Variants in PCDHA6 observed in about 807,000 individuals in gnomAD.
PCDHA6 encodes the protein protocadherin alpha 6, also known as protocadherin alpha-6.
A neutral mutation model predicts 60.3 loss-of-function variants in PCDHA6; 55 were observed. That is an observed-to-expected ratio of 0.91 (90% CI 0.73 to 1.14). The LOEUF (loss-of-function observed/expected upper bound fraction) is 1.14, where lower values mean the gene tolerates loss of function less well. PCDHA6 is among the 50% of genes most tolerant of loss of function. PCDHA6 has a pLI of 0.00. For missense variants in PCDHA6, 1,327 were observed against 1,256.5 expected (o/e 1.06, Z -0.85); for synonymous variants, 652 against 557.9 (o/e 1.17, Z -2.38).
rs2150166554 is a variant in PCDHA6 at position 140,829,368 on chromosome 5, C to A, written c.1277C>A (p.Thr426Asn). The stretch of plus-strand genomic sequence containing the variant: ...GTGTCGGCCTATGAGTTGGTGGTAA[C>A]CGCGCGGGACGGGGGCTCGCCTTCG... ...ESVSAYELVV[T>N]ARDGGSPSLW... Residue 426 changes from threonine to asparagine, a missense_variant, in exon 1 of 4, where the codon ACC becomes AAC. Physicochemically the swap from Thr to Asn is moderately conservative, Grantham distance 65. Transcript: ENST00000529310. The A allele has an allele frequency of 1.2e-6, 2 of 1,614,092 alleles. No individual in the cohort carries two copies. Among genetic ancestry groups the A allele is most frequent in the African/African-American group, 2.7e-5 (2 of 74,950 alleles).
chr5:140,871,132 G>T, intron 1 of PCDHA6: 7 of 1,613,372 alleles, frequency 4.3e-6, no homozygotes, highest in Non-Finnish European at 5.9e-6. Context: ...GGCGCCAAAG[G>T]CCTCTTCCCG....
At chr5:140,897,419 A>G (rs1329501260) in intron 1 of PCDHA6, among the ~76,000 whole-genome samples, 2 of 141,212 alleles carry the variant, frequency 1.4e-5, no homozygotes, top group East Asian at 4.3e-4. Flanking sequence ...ATTCCCATCT[A>G]TGAGTGAGAA....
chr5:140,842,502 C>T, intron 1 of PCDHA6: 1 of 1,613,826 alleles, frequency 6.2e-7, no homozygotes, highest in South Asian at 1.1e-5. Context: ...CCCCATGTCC[C>T]CTTCAAGCTG....
chr5:140,950,711 T>C (rs1173209854), intron 1 of PCDHA6, among the ~76,000 whole-genome samples: 2 of 152,094 alleles, frequency 1.3e-5, no homozygotes, highest in African/African-American at 4.8e-5. Flanking sequence ...TTTTTGTTCC[T>C]TATATCCTTA....
intron 1 of PCDHA6, among the ~76,000 whole-genome samples, chr5:140,913,578 A>G (rs1206858917): frequency 2.0e-5 from 3 of 152,072 alleles, no homozygotes; most frequent in Non-Finnish European, 2.9e-5. Context: ...CATTTCAAAT[A>G]TATTTCTGCT....
At position 140,829,693 on chromosome 5, in the gene PCDHA6, G is replaced by A; in HGVS notation, c.1602G>A (p.Gln534=). 1 of 1,613,366 alleles carries A rather than the reference G, an allele frequency of 6.2e-7. No homozygotes were observed. The highest frequency in any genetic ancestry group is 8.5e-7 in the Non-Finnish European group (1 of 1,179,884). ...DHEELELLQF[Q]VSARDAGVPP... ...AGGAGCTAGAGCTGCTGCAGTTTCAGGTGAGCGCGCGCGACGCGGGCGTGC... is the reference window on the plus strand; with the variant it reads ...AGGAGCTAGAGCTGCTGCAGTTTCAAGTGAGCGCGCGCGACGCGGGCGTGC... The change falls in exon 1 of 4, where the codon CAG becomes CAA. Residue 534 remains glutamine, a synonymous_variant. Coordinates refer to ENST00000529310, the MANE Select transcript of PCDHA6 (RefSeq NM_018909.4).
In PCDHA6 at chr5:140,829,086, G is replaced by A; in HGVS notation, c.995G>A (p.Gly332Asp). The A allele has an allele frequency of 1.2e-6, 2 of 1,611,294 alleles. No individual in the cohort carries two copies. The highest frequency in any genetic ancestry group is 2.2e-5 in the East Asian group (1 of 44,854). The change falls in exon 1 of 4, where the codon GGT (glycine) becomes GAT (aspartate). Residue 332 changes from glycine to aspartate, a missense_variant. By Grantham distance (94) the Gly-to-Asp change is moderately conservative (BLOSUM62 -1). Coordinates refer to ENST00000529310, the MANE Select transcript of PCDHA6 (RefSeq NM_018909.4). ...GACAAAGGCCATCCTCCCATGGCGG[G>A]TCATTGCACCGTTTTAGTGAGAATT... Reference protein sequence around the residue: ...ATDKGHPPMAGHCTVLVRILD... With the variant: ...ATDKGHPPMADHCTVLVRILD...
intron 1 of PCDHA6, among the ~76,000 whole-genome samples, chr5:140,874,511 C>G (rs1376439369): frequency 4.6e-5 from 7 of 152,212 alleles, no homozygotes; most frequent in Admixed American, 3.9e-4. Flanking sequence ...ATTCTCTTGA[C>G]TTTAGTCAAT....
chr5:140,848,211 A>C, intron 1 of PCDHA6: 1 of 353,668 alleles, frequency 2.8e-6, no homozygotes, highest in South Asian at 5.2e-5. Context: ...TCATTACTTA[A>C]GAAAAAATTA....
chr5:141,004,346 G>C (rs2098162740), intron 3 of PCDHA6, among the ~76,000 whole-genome samples: 1 of 152,212 alleles, frequency 6.6e-6, no homozygotes, highest in Non-Finnish European at 1.5e-5. Context: ...GTCTGTGAGG[G>C]ACTGGAGAGA....
chr5:140,992,460 G>T (rs1554252924), intron 3 of PCDHA6, among the ~76,000 whole-genome samples: 1 of 152,170 alleles, frequency 6.6e-6, no homozygotes, highest in African/African-American at 2.4e-5. Context: ...GCAGAGGACA[G>T]TACTCTTTAG....
At chr5:140,861,509 G>A (rs2046952597) in intron 1 of PCDHA6, 1 of 479,912 alleles carries the variant, frequency 2.1e-6, no homozygotes, top group Non-Finnish European at 4.3e-6. Context: ...ACCTCGAGGA[G>A]CTGTGTGGGA....
At chr5:140,884,487 T>G (rs374963144) in intron 1 of PCDHA6, 3 of 1,613,832 alleles carry the variant, frequency 1.9e-6, no homozygotes, top group Non-Finnish European at 1.7e-6. Flanking sequence ...CCCACTCTAG[T>G]GTGCTCCAGC....
At chr5:140,926,538 G>T (rs155362) in intron 1 of PCDHA6, 176,859 of 210,462 alleles carry the variant, frequency 0.84, 75,003 homozygotes, top group African/African-American at 0.96. Context: ...CAGCCAGCGT[G>T]GTGGTCGAGA....
intron 3 of PCDHA6, among the ~76,000 whole-genome samples, chr5:141,004,902 G>A (rs1554259808): frequency 1.3e-5 from 2 of 152,084 alleles, no homozygotes; most frequent in African/African-American, 4.8e-5. Flanking sequence ...GCTCTGCCAG[G>A]GTGTAAGGAA....
intron 1 of PCDHA6, among the ~76,000 whole-genome samples, chr5:140,880,559 G>A (rs929072104): frequency 2.0e-5 from 3 of 152,224 alleles, no homozygotes; most frequent in Non-Finnish European, 4.4e-5. Context: ...TGGAAATGAG[G>A]TTGAGAATTT....
chr5:140,833,757 C>A (rs1554133954), intron 1 of PCDHA6, among the ~76,000 whole-genome samples: 1 of 151,886 alleles, frequency 6.6e-6, no homozygotes, highest in Admixed American at 6.6e-5. Context: ...AGAAAACACA[C>A]ACACACACAC....
rs530453384 is a variant in PCDHA6, at chr5:140,891,358, GA to G, written c.2394+60874del. Among the ~76,000 whole-genome samples the G allele has an allele frequency of 3.0e-3, 462 of 152,158 alleles. 1 individual carries two copies. Among genetic ancestry groups the G allele is most frequent in the Non-Finnish European group, 4.7e-3 (320 of 67,992 alleles). On this transcript the variant is annotated intron_variant, in intron 1 of 3. Transcript: ENST00000529310. ...TGAGATTTTGGTGCATCCATCACCT[GA>G]GCAGTATACATTGCACCATATTTGC...
At chr5:140,869,141 G>A in intron 1 of PCDHA6, 1 of 1,613,314 alleles carries the variant, frequency 6.2e-7, no homozygotes, top group Non-Finnish European at 8.5e-7. Context: ...GGCACCCCAC[G>A]ACTACAGCTC....
Sources: gnomAD v4.1 joint callset for allele counts (sites outside exome capture counted in the v4.1 genomes callset) on GRCh38, gnomAD v4.1.1 for gene constraint, MANE v1.5 for transcripts, NCBI Gene and HGNC (gene_info 2026-07-23, HGNC 2026-07-21) for gene names.